EPHA6: variants seen among roughly 807,000 people sequenced by gnomAD.
The protein encoded by EPHA6 is ephrin type-A receptor 6.
In EPHA6, 50 loss-of-function variants were observed where a neutral mutation model predicts 112.0. The ratio of observed to expected loss-of-function variants is 0.45; its 90% confidence interval spans 0.36 to 0.56. The LOEUF is 0.56. Ranked by LOEUF, EPHA6 falls within the 20% of genes least tolerant of loss-of-function variation. The probability of loss-of-function intolerance (pLI) is 0.00; values close to 1 mark genes in which losing one functional copy is unlikely to be tolerated. For synonymous variants in EPHA6, 529 were observed against 490.7 expected (o/e 1.08, Z -1.03); for missense variants, 1,280 against 1,417.4 (o/e 0.90, Z 1.56).
Position 97,439,217 on chromosome 3 carries a change from G to T in EPHA6, c.1732-9351G>T, listed in dbSNP as rs1180547001. Among the ~76,000 whole-genome samples, 5 of 152,064 alleles carry T rather than the reference G, an allele frequency of 3.3e-5. No individual in the cohort carries two copies. In the East Asian group the frequency reaches 7.7e-4, roughly 23 times the overall value. On this transcript the variant is annotated intron_variant, in intron 6 of 17. Coordinates refer to ENST00000389672, the MANE Select transcript of EPHA6 (RefSeq NM_001080448.3). ...TGAATGCATTTCAAAGTGATTTGGG[G>T]TTATCTGTAATTTTGGATTACTGGG...
At chr3:97,539,200 T>G (rs774755899) in intron 11 of EPHA6, among the ~76,000 whole-genome samples, 2 of 150,340 alleles carry the variant, frequency 1.3e-5, no homozygotes, top group Non-Finnish European at 3.0e-5. Flanking sequence ...TAGGCTGGAG[T>G]GCAGTCGCAA....
intron 1 of EPHA6, among the ~76,000 whole-genome samples, chr3:96,863,926 A>G (rs1215887635): frequency 6.6e-6 from 1 of 152,036 alleles, no homozygotes; most frequent in African/African-American, 2.4e-5. Flanking sequence ...GAAATCTTTG[A>G]TGAGAAAATT....
chr3:96,981,638 C>T (rs1468820426), intron 2 of EPHA6, among the ~76,000 whole-genome samples: 1 of 152,110 alleles, frequency 6.6e-6, no homozygotes, highest in Non-Finnish European at 1.5e-5. Context: ...GTACCAGCTC[C>T]TCCTTGTACC....
chr3:97,450,713 G>A (rs1196966207), intron 7 of EPHA6, among the ~76,000 whole-genome samples: 2 of 151,920 alleles, frequency 1.3e-5, no homozygotes, highest in Non-Finnish European at 2.9e-5. Context: ...TCATTCAACC[G>A]ACATGTATAG....
chr3:96,996,840 A>C (rs2107885851), intron 3 of EPHA6, among the ~76,000 whole-genome samples: 1 of 152,232 alleles, frequency 6.6e-6, no homozygotes, highest in South Asian at 2.1e-4. Context: ...AAGCTGCATT[A>C]GGTCCTAACA....
intron 2 of EPHA6, among the ~76,000 whole-genome samples, chr3:96,965,285 T>C (rs1313670335): frequency 6.6e-6 from 1 of 152,144 alleles, no homozygotes; most frequent in Non-Finnish European, 1.5e-5. Flanking sequence ...CAGGCCATAT[T>C]TAGTTTGCTT....
chr3:96,970,479 C>T, intron 2 of EPHA6, among the ~76,000 whole-genome samples: 1 of 151,978 alleles, frequency 6.6e-6, no homozygotes, highest in East Asian at 1.9e-4. Flanking sequence ...TAGGAGATTG[C>T]TAAAAGTTTA....
intron 6 of EPHA6, among the ~76,000 whole-genome samples, chr3:97,448,065 T>C (rs1394340428): frequency 1.3e-5 from 2 of 152,180 alleles, no homozygotes; most frequent in African/African-American, 4.8e-5. Context: ...GTGAATGACT[T>C]CAGGATAAAA....
intron 11 of EPHA6, among the ~76,000 whole-genome samples, chr3:97,575,496 C>T (rs189605599): frequency 2.6e-5 from 4 of 152,178 alleles, no homozygotes; most frequent in South Asian, 2.1e-4. Flanking sequence ...TTCATATCTA[C>T]GTATACAACC....
chr3:97,350,555 A>C (rs1185603410), intron 5 of EPHA6, among the ~76,000 whole-genome samples: 3 of 152,186 alleles, frequency 2.0e-5, no homozygotes, highest in Non-Finnish European at 4.4e-5. Context: ...TATTTTGTGT[A>C]GAGCAGATGT....
intron 3 of EPHA6, among the ~76,000 whole-genome samples, chr3:97,016,040 G>GAAAAAA (rs1553688571): frequency 1.1e-5 from 1 of 92,060 alleles, no homozygotes; most frequent in Non-Finnish European, 2.9e-5. Context: ...CATTCTTCCT[G>GAAAAAA]AAAAAAAAAA....
chr3:97,384,916 A>G (rs2085972289), intron 5 of EPHA6, among the ~76,000 whole-genome samples: 1 of 152,180 alleles, frequency 6.6e-6, no homozygotes, highest in Admixed American at 6.6e-5. Context: ...TGATATGCTG[A>G]TGAGTGTTTA....
At chr3:96,970,238 TACACACAC>T (rs370673260) in intron 2 of EPHA6, among the ~76,000 whole-genome samples, 4 of 144,000 alleles carry the variant, frequency 2.8e-5, no homozygotes, top group South Asian at 2.3e-4. Context: ...TGCCTCTTCA[TACACACAC>T]ACACACACAC....
chr3:97,724,529 G>A (rs368579884), intron 15 of EPHA6, among the ~76,000 whole-genome samples: 8 of 152,114 alleles, frequency 5.3e-5, no homozygotes, highest in African/African-American at 1.9e-4. Flanking sequence ...AATGCTTTGG[G>A]AGGCTGAGGC....
At chr3:97,304,857 A>G (rs1027393314) in intron 5 of EPHA6, among the ~76,000 whole-genome samples, 1 of 152,096 alleles carries the variant, frequency 6.6e-6, no homozygotes, top group Non-Finnish European at 1.5e-5. Flanking sequence ...AAACAACAAA[A>G]GCAATTGCAA....
intron 2 of EPHA6, among the ~76,000 whole-genome samples, chr3:96,935,883 G>A (rs186716601): frequency 0.012 from 1,789 of 151,732 alleles, 16 homozygotes; most frequent in Non-Finnish European, 0.019. Context: ...AATATGACAC[G>A]AGAGGACTCA....
intron 14 of EPHA6, among the ~76,000 whole-genome samples, chr3:97,661,718 G>A (rs1044686776): frequency 1.3e-5 from 2 of 152,138 alleles, no homozygotes; most frequent in Admixed American, 6.6e-5. Flanking sequence ...TATTAAAGTT[G>A]TAGTGAGGTT....
intron 5 of EPHA6, among the ~76,000 whole-genome samples, chr3:97,403,036 T>C (rs974039739): frequency 6.6e-6 from 1 of 152,136 alleles, no homozygotes; most frequent in African/African-American, 2.4e-5. Context: ...ATAATGAGTT[T>C]ATAATGTAAC....
chr3:96,910,347 C>A lies in EPHA6; in HGVS notation c.450+43458C>A, dbSNP rs146151534. Among the ~76,000 whole-genome samples the A allele has an allele frequency of 7.1e-3, 1,083 of 152,162 alleles. 16 individuals carry two copies. The highest frequency in any genetic ancestry group is 0.024 in the African/African-American group (1,000 of 41,550). ...CACAACTATGTTAGTCCTTGCCTGGCAGTTGCCTGATAATTGATCTCTCTT... is the reference window on the plus strand; with the variant it reads ...CACAACTATGTTAGTCCTTGCCTGGAAGTTGCCTGATAATTGATCTCTCTT... On this transcript the variant is annotated intron_variant, in intron 2 of 17. Coordinates refer to ENST00000389672, the MANE Select transcript of EPHA6 (RefSeq NM_001080448.3).
Sources: allele counts gnomAD v4.1 joint callset (sites outside exome capture counted in the v4.1 genomes callset), GRCh38; gene constraint gnomAD v4.1.1; transcripts MANE v1.5; gene names NCBI Gene and HGNC (gene_info 2026-07-23, HGNC 2026-07-21).